The following ULK4 variants were observed in gnomAD, a reference collection of about 807,000 sequenced individuals.
The protein encoded by ULK4 is unc-51 like kinase 4.
Under a neutral mutation model 160.6 loss-of-function variants are expected in ULK4, and 133 were observed. That is an observed-to-expected ratio of 0.83 (90% CI 0.72 to 0.96). The LOEUF (loss-of-function observed/expected upper bound fraction) is 0.96. ULK4 is among the 40% of genes least tolerant of loss of function. The pLI is 0.00. For missense variants in ULK4, 1,580 were observed against 1,499.5 expected, an observed-to-expected ratio of 1.05 and a Z score of -0.89; for synonymous variants, 534 against 539.8, an observed-to-expected ratio of 0.99 and a Z score of 0.15.
At chr3:41,667,077 C>T (rs921811648) in intron 29 of ULK4, among the ~76,000 whole-genome samples, 7 of 151,808 alleles carry the variant, frequency 4.6e-5, no homozygotes, top group Admixed American at 4.6e-4. Context: ...TTGCTTGAGC[C>T]CAGGCATTTA....
chr3:41,886,890 C>T (rs1311767552), intron 16 of ULK4, among the ~76,000 whole-genome samples: 3 of 152,108 alleles, frequency 2.0e-5, no homozygotes, highest in Non-Finnish European at 2.9e-5. Context: ...AATCTTTATA[C>T]ACCAAATAAC....
chr3:41,902,161 G>A (rs1344975763), intron 12 of ULK4, among the ~76,000 whole-genome samples: 2 of 152,108 alleles, frequency 1.3e-5, no homozygotes, highest in South Asian at 2.1e-4. Flanking sequence ...GTGAAGTAAG[G>A]AATAAGGAAA....
At chr3:41,662,830 T>C (rs1318686061) in intron 30 of ULK4, among the ~76,000 whole-genome samples, 1 of 151,782 alleles carries the variant, frequency 6.6e-6, no homozygotes, top group East Asian at 1.9e-4. Context: ...ACTAAAAACA[T>C]CCCAGCAACT....
chr3:41,461,425 C>T (rs1210127557), intron 33 of ULK4, among the ~76,000 whole-genome samples: 1 of 152,196 alleles, frequency 6.6e-6, no homozygotes, highest in East Asian at 1.9e-4. Context: ...TTTCCCAACT[C>T]TTCCACCTAA....
chr3:41,302,589 T>A (rs1338116174), intron 35 of ULK4, among the ~76,000 whole-genome samples: 1 of 152,222 alleles, frequency 6.6e-6, no homozygotes, highest in Non-Finnish European at 1.5e-5. Flanking sequence ...TATTTAACTA[T>A]CCGCAAAGTT....
intron 32 of ULK4, among the ~76,000 whole-genome samples, chr3:41,480,980 T>C (rs2084304826): frequency 6.6e-6 from 1 of 152,196 alleles, no homozygotes; most frequent in Non-Finnish European, 1.5e-5. Flanking sequence ...GTGGGGATTA[T>C]GGGAGCTACA....
chr3:41,919,068 C>T (rs1395297307), intron 6 of ULK4, among the ~76,000 whole-genome samples: 5 of 152,198 alleles, frequency 3.3e-5, no homozygotes, highest in African/African-American at 1.2e-4. Context: ...CACAAACACA[C>T]ATATGGACCA....
intron 1 of ULK4, among the ~76,000 whole-genome samples, chr3:41,955,293 A>C (rs1700444566): frequency 6.6e-6 from 1 of 152,236 alleles, no homozygotes; most frequent in South Asian, 2.1e-4. Flanking sequence ...CCAACTCAAA[A>C]ATCAATAAAT....
At chr3:41,712,815 C>T (rs2037146033) in intron 25 of ULK4, among the ~76,000 whole-genome samples, 1 of 152,036 alleles carries the variant, frequency 6.6e-6, no homozygotes, top group South Asian at 2.1e-4. Context: ...TTGCTTGCGC[C>T]TGGGAGGCGG....
intron 35 of ULK4, among the ~76,000 whole-genome samples, chr3:41,354,938 C>T (rs143212431): frequency 6.6e-6 from 1 of 152,280 alleles, no homozygotes; most frequent in East Asian, 1.9e-4. Flanking sequence ...CTAGTGATGG[C>T]TATCTTTCCC....
At chr3:41,483,260 T>A (rs2084391418) in intron 32 of ULK4, among the ~76,000 whole-genome samples, 1 of 152,208 alleles carries the variant, frequency 6.6e-6, no homozygotes. Context: ...AGTGAGAACA[T>A]GTGAAGTTTC....
At chr3:41,405,355 A>G (rs557458003) in intron 34 of ULK4, among the ~76,000 whole-genome samples, 1 of 152,076 alleles carries the variant, frequency 6.6e-6, no homozygotes, top group Admixed American at 6.5e-5. Flanking sequence ...TATGTATCAT[A>G]TTTTCTTTAT....
chr3:41,925,461 C>A (rs1474486721), intron 5 of ULK4, among the ~76,000 whole-genome samples: 1 of 152,200 alleles, frequency 6.6e-6, no homozygotes, highest in Non-Finnish European at 1.5e-5. Context: ...GGGTTTCAAG[C>A]ACAAAACTGG....
intron 35 of ULK4, among the ~76,000 whole-genome samples, chr3:41,368,926 A>G (rs77732126): frequency 0.035 from 5,384 of 152,304 alleles, 259 homozygotes; most frequent in East Asian, 0.19. Context: ...CAAAAATAGT[A>G]CATCAAACTT....
chr3:41,863,994 G>C (rs1294995943), intron 17 of ULK4, among the ~76,000 whole-genome samples: 2 of 152,004 alleles, frequency 1.3e-5, no homozygotes, highest in Non-Finnish European at 2.9e-5. Context: ...CACTGTCTCT[G>C]GGCCTAATTC....
chr3:41,789,922 G>T, intron 20 of ULK4, 79 bp from the exon 21 acceptor site: 1 of 1,296,314 alleles, frequency 7.7e-7, no homozygotes, highest in Non-Finnish European at 1.0e-6. Context: ...ACATGCTTCT[G>T]TGTCAAGGAG....
Position 41,397,439 on chromosome 3 carries a change from G to A in ULK4, c.3678+640C>T, listed in dbSNP as rs1295751866. On this transcript the variant is annotated intron_variant, in intron 35 of 36. Coordinates refer to ENST00000301831, the MANE Select transcript of ULK4 (RefSeq NM_017886.4). ...TCAAAATTAATACCACCAGTGAGGG[G>A]CAAACAGCCACCAAAAGCCTCTGGA... Among the ~76,000 whole-genome samples the A allele has an allele frequency of 3.3e-5, 5 of 152,018 alleles. No homozygotes were observed. In the East Asian group the frequency reaches 7.7e-4, roughly 23 times the overall value.
chr3:41,733,539 A>C (rs1463765004), intron 22 of ULK4, among the ~76,000 whole-genome samples: 1 of 152,076 alleles, frequency 6.6e-6, no homozygotes, highest in Non-Finnish European at 1.5e-5. Flanking sequence ...ACTTAAAAAT[A>C]AATGTGTAAC....
intron 29 of ULK4, among the ~76,000 whole-genome samples, chr3:41,671,052 C>A (rs1324079992): frequency 6.6e-6 from 1 of 151,846 alleles, no homozygotes; most frequent in Non-Finnish European, 1.5e-5. Flanking sequence ...GCTTTTGATG[C>A]AAAAATATCT....
Sources: allele counts gnomAD v4.1 joint callset (sites outside exome capture counted in the v4.1 genomes callset), GRCh38; gene constraint gnomAD v4.1.1; transcripts MANE v1.5; gene names NCBI Gene and HGNC (gene_info 2026-07-23, HGNC 2026-07-21).